The following PCDHA13 variants were observed in gnomAD, a reference collection of about 807,000 sequenced individuals.
PCDHA13 encodes protocadherin alpha-13.
A neutral mutation model predicts 64.8 loss-of-function variants in PCDHA13; 54 were observed. The ratio of observed to expected loss-of-function variants is 0.83; its 90% CI spans 0.67 to 1.04. The LOEUF (loss-of-function observed/expected upper bound fraction) is 1.04. Ranked by LOEUF, PCDHA13 falls within the 50% of genes least tolerant of loss-of-function variation. The probability of loss-of-function intolerance (pLI) is 0.00; values close to 1 mark genes in which losing one functional copy is unlikely to be tolerated. For synonymous variants in PCDHA13, 587 were observed against 564.4 expected (o/e 1.04, Z -0.57); for missense variants, 1,248 against 1,254.3 (o/e 0.99, Z 0.08).
chr5:140,915,463 T>C (rs2077131577), intron 1 of PCDHA13, among the ~76,000 whole-genome samples: 1 of 152,184 alleles, frequency 6.6e-6, no homozygotes, highest in East Asian at 1.9e-4. Flanking sequence ...AGAAGGTTTT[T>C]ATTTGAAGGA....
At chr5:140,885,189 C>T (rs1554182051) in intron 1 of PCDHA13, among the ~76,000 whole-genome samples, 1 of 151,992 alleles carries the variant, frequency 6.6e-6, no homozygotes, top group Non-Finnish European at 1.5e-5. Context: ...CATCAGTGTT[C>T]CCCTCTCATA....
chr5:140,906,822 T>C (rs2072968102), intron 1 of PCDHA13, among the ~76,000 whole-genome samples: 1 of 152,142 alleles, frequency 6.6e-6, no homozygotes, highest in African/African-American at 2.4e-5. Context: ...CACTGTGGAG[T>C]AGTAGACTGA....
At chr5:140,993,616 C>A (rs1554253872) in intron 3 of PCDHA13, among the ~76,000 whole-genome samples, 2 of 151,688 alleles carry the variant, frequency 1.3e-5, no homozygotes, top group Admixed American at 6.6e-5. Context: ...TTGTTGGGAC[C>A]CTCTATATAT....
intron 1 of PCDHA13, among the ~76,000 whole-genome samples, chr5:140,950,750 C>T (rs1320735521): frequency 3.3e-5 from 5 of 151,928 alleles, no homozygotes; most frequent in Non-Finnish European, 7.4e-5. Flanking sequence ...TCTCTCTATC[C>T]TTTCTGGACT....
In PCDHA13 at chr5:140,995,948, C is replaced by T. The variant is rs143431693; in HGVS notation, c.2542+13385C>T. Among the ~76,000 whole-genome samples the T allele has an allele frequency of 4.7e-3, 711 of 152,264 alleles. 7 individuals carry two copies. The highest frequency in any genetic ancestry group is 0.016 in the African/African-American group (645 of 41,554). ...TGTAAGTATTAAATGACATAATGCA[C>T]GCAAAATGCTTAGAACCATGCTTAG... On this transcript the variant is annotated intron_variant, in intron 3 of 3. Transcript: ENST00000289272.
At position 140,981,056 on chromosome 5, in the gene PCDHA13, G is replaced by A. The variant is rs571113984; in HGVS notation, c.2454-1419G>A. 1.5e-3 allele frequency among the ~76,000 whole-genome samples: 227 copies of A among 152,276 alleles called. 1 individual carries two copies. Among genetic ancestry groups the A allele is most frequent in the African/African-American group, 5.2e-3 (217 of 41,556 alleles). ...GGGAAAAAAAACAGATAATTCTAGA[G>A]TGTAGACAAGGGGAAGAATAGTAAA... On this transcript the variant is annotated intron_variant, in intron 2 of 3. Transcript: ENST00000289272.
chr5:140,903,271 A>T (rs193242810), intron 1 of PCDHA13, among the ~76,000 whole-genome samples: 58 of 152,326 alleles, frequency 3.8e-4, no homozygotes, highest in African/African-American at 1.3e-3. Flanking sequence ...GGAGTGAGGT[A>T]GTGTCTCATT....
At chr5:140,920,381 A>G (rs887594411) in intron 1 of PCDHA13, among the ~76,000 whole-genome samples, 1 of 152,164 alleles carries the variant, frequency 6.6e-6, no homozygotes, top group Non-Finnish European at 1.5e-5. Flanking sequence ...GTGGATTCAT[A>G]TTACCATCTG....
intron 1 of PCDHA13, among the ~76,000 whole-genome samples, chr5:140,931,398 T>C: frequency 6.6e-6 from 1 of 152,112 alleles, no homozygotes; most frequent in African/African-American, 2.4e-5. Context: ...AAGTAAGCGA[T>C]AGGAAGGCTG....
At chr5:140,915,861 G>A (rs2077339820) in intron 1 of PCDHA13, among the ~76,000 whole-genome samples, 1 of 152,182 alleles carries the variant, frequency 6.6e-6, no homozygotes, top group African/African-American at 2.4e-5. Flanking sequence ...AGCCAAGTTT[G>A]CATCCTTCCC....
chr5:140,971,928 T>C (rs1318885872), intron 1 of PCDHA13, among the ~76,000 whole-genome samples: 1 of 152,186 alleles, frequency 6.6e-6, no homozygotes, highest in Non-Finnish European at 1.5e-5. Flanking sequence ...GCTAGTGTTA[T>C]TTTAAGTTGT....
At position 140,883,786 on chromosome 5, in the gene PCDHA13, C is replaced by G; in HGVS notation, c.1518C>G (p.Ser506Arg). The G allele has an allele frequency of 6.2e-7, 1 of 1,612,422 alleles. No individual in the cohort carries two copies. The highest frequency in any genetic ancestry group is 1.7e-5 in the Admixed American group (1 of 60,008). ...GGGTGGGCGAGCGTGCGCTGTCGAG[C>G]TACGTGTCGGTGCACGCGGAGAGCG... is the stretch of plus-strand genomic sequence containing the variant. ...ERRVGERALS[S>R]YVSVHAESGK... The change falls in exon 1 of 4, where the codon AGC (serine) becomes AGG (arginine). Residue 506 changes from serine (S) to arginine (R), a missense_variant. Physicochemically the swap from Ser to Arg is moderately radical, Grantham distance 110. Coordinates refer to ENST00000289272, the MANE Select transcript of PCDHA13 (RefSeq NM_018904.3).
At chr5:140,926,785 G>A in intron 1 of PCDHA13, 1 of 1,417,966 alleles carries the variant, frequency 7.1e-7, no homozygotes. Context: ...GTGACGGCCG[G>A]CAGGAGCGTG....
intron 3 of PCDHA13, among the ~76,000 whole-genome samples, chr5:141,002,161 G>T (rs1554258540): frequency 6.6e-6 from 1 of 152,208 alleles, no homozygotes; most frequent in Non-Finnish European, 1.5e-5. Flanking sequence ...CAGAGTGGGC[G>T]GTAGGCAGGC....
intron 3 of PCDHA13, among the ~76,000 whole-genome samples, chr5:140,997,836 A>G (rs1335199291): frequency 3.3e-5 from 5 of 152,222 alleles, no homozygotes; most frequent in South Asian, 4.1e-4. Flanking sequence ...AAACAATACA[A>G]TATACATTCT....
chr5:140,903,962 G>C (rs548680386), intron 1 of PCDHA13, among the ~76,000 whole-genome samples: 21 of 152,226 alleles, frequency 1.4e-4, no homozygotes. Flanking sequence ...ATTATTTGTT[G>C]ATTTTTGGTC....
intron 1 of PCDHA13, among the ~76,000 whole-genome samples, chr5:140,907,086 A>T (rs1042352534): frequency 6.6e-6 from 1 of 152,136 alleles, no homozygotes; most frequent in East Asian, 1.9e-4. Context: ...GGTGATGGTA[A>T]GTGGTGCCAC....
chr5:140,999,480 A>G, intron 3 of PCDHA13, among the ~76,000 whole-genome samples: 1 of 152,176 alleles, frequency 6.6e-6, no homozygotes, highest in East Asian at 1.9e-4. Flanking sequence ...ATTCCAACTC[A>G]AGTCTATGTT....
intron 1 of PCDHA13, among the ~76,000 whole-genome samples, chr5:140,934,191 C>T (rs563342404): frequency 6.6e-6 from 1 of 152,224 alleles, no homozygotes; most frequent in African/African-American, 2.4e-5. Flanking sequence ...ACATACTTTT[C>T]ATTTCTATTT....
Sources: gnomAD v4.1 joint callset for allele counts (sites outside exome capture counted in the v4.1 genomes callset) on GRCh38, gnomAD v4.1.1 for gene constraint, MANE v1.5 for transcripts, NCBI Gene and HGNC (gene_info 2026-07-23, HGNC 2026-07-21) for gene names.